The following FHIT variants were observed in gnomAD, a reference collection of about 807,000 sequenced individuals.
The protein encoded by FHIT is bis(5'-adenosyl)-triphosphatase.
In FHIT, 19 loss-of-function variants were observed where a neutral mutation model predicts 17.9. The ratio of observed to expected loss-of-function variants is 1.06; its 90% CI spans 0.74 to 1.56. The LOEUF (loss-of-function observed/expected upper bound fraction) is 1.56. FHIT is among the 40% of genes most tolerant of loss of function. The pLI is 0.00. For synonymous variants in FHIT, 81 were observed against 69.7 expected, an observed-to-expected ratio of 1.16 and a Z score of -0.81; for missense variants, 248 against 189.2, an observed-to-expected ratio of 1.31 and a Z score of -1.82.
chr3:60,693,709 A>G (rs1368815405), intron 4 of FHIT, among the ~76,000 whole-genome samples: 1 of 152,252 alleles, frequency 6.6e-6, no homozygotes, highest in Non-Finnish European at 1.5e-5. Flanking sequence ...CTCGTCCTGC[A>G]AACTTTCTGT....
intron 5 of FHIT, among the ~76,000 whole-genome samples, chr3:60,057,238 G>A (rs769678251): frequency 2.6e-5 from 4 of 152,126 alleles, no homozygotes; most frequent in African/African-American, 4.8e-5. Flanking sequence ...CCATATGACA[G>A]ACGCCAAAGA....
At chr3:59,845,723 G>A (rs964267618) in intron 8 of FHIT, among the ~76,000 whole-genome samples, 4 of 152,112 alleles carry the variant, frequency 2.6e-5, no homozygotes, top group Non-Finnish European at 2.9e-5. Context: ...AATGTCTCAC[G>A]TGTACTTGAG....
chr3:59,857,282 C>T (rs1427715387), intron 8 of FHIT, among the ~76,000 whole-genome samples: 2 of 152,122 alleles, frequency 1.3e-5, no homozygotes, highest in Non-Finnish European at 2.9e-5. Context: ...TCCATCTCTG[C>T]GTGAGGAACC....
At chr3:60,675,269 A>G (rs1244869228) in intron 4 of FHIT, among the ~76,000 whole-genome samples, 1 of 152,144 alleles carries the variant, frequency 6.6e-6, no homozygotes, top group South Asian at 2.1e-4. Context: ...CTCCACTACC[A>G]CCATCAACAC....
chr3:59,864,100 C>A (rs1337098034), intron 8 of FHIT, among the ~76,000 whole-genome samples: 1 of 152,084 alleles, frequency 6.6e-6, no homozygotes, highest in Non-Finnish European at 1.5e-5. Flanking sequence ...CAGTGATCGG[C>A]CTATATTCTT....
chr3:60,106,840 C>G (rs138931247), intron 5 of FHIT, among the ~76,000 whole-genome samples: 2 of 152,318 alleles, frequency 1.3e-5, no homozygotes, highest in African/African-American at 2.4e-5. Context: ...TCCAATCATA[C>G]AGTTCCTCTG....
intron 5 of FHIT, among the ~76,000 whole-genome samples, chr3:60,025,702 T>A (rs1700715466): frequency 6.7e-6 from 1 of 150,280 alleles, no homozygotes. Context: ...GCTAAATCAT[T>A]TACAACAATA....
At chr3:61,025,733 T>G (rs1004395502) in intron 3 of FHIT, among the ~76,000 whole-genome samples, 1 of 151,990 alleles carries the variant, frequency 6.6e-6, no homozygotes, top group Admixed American at 6.5e-5. Context: ...AGGTACTGTT[T>G]GTTAATATAT....
intron 5 of FHIT, among the ~76,000 whole-genome samples, chr3:60,188,467 G>C (rs775944112): frequency 1.7e-4 from 26 of 152,076 alleles, no homozygotes; most frequent in Non-Finnish European, 3.5e-4. Context: ...TGGATTCAAT[G>C]TGTGTATGCT....
intron 2 of FHIT, among the ~76,000 whole-genome samples, chr3:61,143,148 T>C (rs547920146): frequency 6.6e-6 from 1 of 152,258 alleles, no homozygotes; most frequent in Non-Finnish European, 1.5e-5. Flanking sequence ...ATTACAATAA[T>C]ACATGATATC....
At chr3:61,063,217 C>A (rs904452644) in intron 2 of FHIT, among the ~76,000 whole-genome samples, 2 of 135,822 alleles carry the variant, frequency 1.5e-5, no homozygotes, top group African/African-American at 2.7e-5. Flanking sequence ...GACCGCGCCA[C>A]TGCACTCCAG....
At chr3:60,079,932 A>G (rs943496646) in intron 5 of FHIT, among the ~76,000 whole-genome samples, 1 of 152,190 alleles carries the variant, frequency 6.6e-6, no homozygotes, top group Non-Finnish European at 1.5e-5. Flanking sequence ...AAGATGTGCT[A>G]ATGATAGATT....
At chr3:59,783,252 C>A (rs1008610935) in intron 8 of FHIT, among the ~76,000 whole-genome samples, 2 of 152,162 alleles carry the variant, frequency 1.3e-5, no homozygotes, top group African/African-American at 4.8e-5. Context: ...GGGAAGATCA[C>A]GAGGTCAAGA....
intron 5 of FHIT, among the ~76,000 whole-genome samples, chr3:60,168,373 T>C (rs12172945): frequency 0.54 from 82,551 of 152,056 alleles, 22,975 homozygotes; most frequent in Middle Eastern, 0.63. Context: ...CCTCTGATTA[T>C]GCAAGGTTCC....
At chr3:60,181,500 T>A (rs1202954181) in intron 5 of FHIT, among the ~76,000 whole-genome samples, 1 of 152,080 alleles carries the variant, frequency 6.6e-6, no homozygotes, top group Non-Finnish European at 1.5e-5. Flanking sequence ...TTCAAAAAGG[T>A]AAAGGAATTT....
At chr3:60,924,000 G>A (rs1236729786) in intron 3 of FHIT, among the ~76,000 whole-genome samples, 1 of 152,110 alleles carries the variant, frequency 6.6e-6, no homozygotes, top group Non-Finnish European at 1.5e-5. Flanking sequence ...AGGCGGCAGC[G>A]AGGCTTGGGG....
intron 7 of FHIT, among the ~76,000 whole-genome samples, chr3:59,946,809 C>T (rs1706829004): frequency 6.6e-6 from 1 of 152,062 alleles, no homozygotes; most frequent in Admixed American, 6.6e-5. Flanking sequence ...TGTGATGAAT[C>T]ACATTTATTG....
At chr3:59,870,000 A>G (rs1243121465) in intron 8 of FHIT, among the ~76,000 whole-genome samples, 3 of 152,130 alleles carry the variant, frequency 2.0e-5, no homozygotes, top group East Asian at 1.9e-4. Context: ...GGCATCAGCT[A>G]TATTATCATT....
intron 5 of FHIT, among the ~76,000 whole-genome samples, chr3:60,330,174 G>A (rs1474139360): frequency 6.6e-6 from 1 of 152,148 alleles, no homozygotes; most frequent in Non-Finnish European, 1.5e-5. Context: ...GGGCTCCCGG[G>A]ATTCTAAGCA....
Sources: gnomAD v4.1 joint callset for allele counts (sites outside exome capture counted in the v4.1 genomes callset) on GRCh38, gnomAD v4.1.1 for gene constraint, MANE v1.5 for transcripts, NCBI Gene and HGNC (gene_info 2026-07-23, HGNC 2026-07-21) for gene names.